The following IPCEF1 variants were observed in gnomAD, a reference collection of about 807,000 sequenced individuals.
IPCEF1 encodes interaction protein for cytohesin exchange factors 1.
In IPCEF1, 31 loss-of-function variants were observed where a neutral mutation model predicts 50.9. The observed-to-expected ratio is 0.61, with a 90% CI of 0.46 to 0.82. The LOEUF (loss-of-function observed/expected upper bound fraction) is 0.82. Ranked by LOEUF, IPCEF1 falls within the 40% of genes least tolerant of loss-of-function variation. IPCEF1 has a pLI of 0.00. For synonymous variants in IPCEF1, 181 were observed against 192.0 expected (o/e 0.94, Z 0.47); for missense variants, 458 against 514.0 (o/e 0.89, Z 1.05).
intron 1 of IPCEF1, among the ~76,000 whole-genome samples, chr6:154,303,029 T>G (rs898822683): frequency 6.6e-6 from 1 of 152,056 alleles, no homozygotes; most frequent in Admixed American, 6.6e-5. Context: ...CCCAACAGCT[T>G]TAGTAAATCT....
intron 1 of IPCEF1, among the ~76,000 whole-genome samples, chr6:154,350,592 T>C (rs1562298833): frequency 6.6e-6 from 1 of 152,264 alleles, no homozygotes; most frequent in Non-Finnish European, 1.5e-5. Flanking sequence ...TACTAGCACA[T>C]AAAATTACTT....
intron 1 of IPCEF1, among the ~76,000 whole-genome samples, chr6:154,323,715 G>T (rs914061895): frequency 6.6e-6 from 1 of 152,204 alleles, no homozygotes; most frequent in Non-Finnish European, 1.5e-5. Context: ...CACTTTGGGA[G>T]GCCGAGGTGG....
intron 1 of IPCEF1, among the ~76,000 whole-genome samples, chr6:154,336,329 A>T (rs1039038927): frequency 6.6e-6 from 1 of 152,246 alleles, no homozygotes; most frequent in African/African-American, 2.4e-5. Context: ...ATGGAATATC[A>T]TTTGGCCATA....
At chr6:154,215,330 C>A (rs944494213) in intron 7 of IPCEF1, among the ~76,000 whole-genome samples, 2 of 152,068 alleles carry the variant, frequency 1.3e-5, no homozygotes, top group Non-Finnish European at 2.9e-5. Flanking sequence ...AATTCAATGC[C>A]GGGAGCGGTG....
rs1781928663 is a variant in IPCEF1, at chr6:154,272,704, T to C, written c.-17-6740A>G. On this transcript the variant is annotated intron_variant, in intron 2 of 11. Coordinates refer to ENST00000367220, the MANE Select transcript of IPCEF1 (RefSeq NM_001130700.2). ...TTTGTTTTAATCACAAATTGCATGC[T>C]TCTTAAACCAAGTGTGTTTTAGCCA... Among the ~76,000 whole-genome samples, 2 of 152,242 alleles carry C rather than the reference T, an allele frequency of 1.3e-5. 1 individual carries two copies. The highest frequency in any genetic ancestry group is 4.1e-4 in the South Asian group (2 of 4,830).
At chr6:154,293,292 A>C (rs4118099) in intron 1 of IPCEF1, among the ~76,000 whole-genome samples, 104,782 of 152,070 alleles carry the variant, frequency 0.69, 37,340 homozygotes, top group African/African-American at 0.89. Context: ...AAAGCAATAC[A>C]ACCCAAGTCC....
chr6:154,322,215 T>C (rs928335162), intron 1 of IPCEF1, among the ~76,000 whole-genome samples: 3 of 152,072 alleles, frequency 2.0e-5, no homozygotes, highest in South Asian at 2.1e-4. Flanking sequence ...GAACTTCATC[T>C]GATGAAAAGG....
At chr6:154,227,794 T>C (rs1364327449) in intron 5 of IPCEF1, among the ~76,000 whole-genome samples, 1 of 152,202 alleles carries the variant, frequency 6.6e-6, no homozygotes, top group Non-Finnish European at 1.5e-5. Context: ...TGGATTCCTT[T>C]TCTGCATAAG....
In IPCEF1 at chr6:154,258,089, G is replaced by A. The variant is rs141291871; in HGVS notation, c.36+7823C>T. On this transcript the variant is annotated intron_variant, in intron 3 of 11. Coordinates refer to ENST00000367220, the MANE Select transcript of IPCEF1 (RefSeq NM_001130700.2). ...TATTTCCCTCCCCATTCTTCTCCTG[G>A]TTAATGCTTACTCATCCTCTGAGAT... Among the ~76,000 whole-genome samples the A allele has an allele frequency of 3.7e-3, 563 of 152,214 alleles. 1 individual carries two copies. The highest frequency in any genetic ancestry group is 6.6e-3 in the Non-Finnish European group (449 of 68,010).
chr6:154,198,631 TACACACACAC>T (rs3070838), intron 10 of IPCEF1, among the ~76,000 whole-genome samples: 203 of 146,804 alleles, frequency 1.4e-3, no homozygotes, highest in African/African-American at 4.7e-3. Flanking sequence ...AAATATTACA[TACACACACAC>T]ACACACACAC....
intron 1 of IPCEF1, among the ~76,000 whole-genome samples, chr6:154,294,096 T>C (rs1303613269): frequency 6.6e-6 from 1 of 152,226 alleles, no homozygotes; most frequent in Non-Finnish European, 1.5e-5. Flanking sequence ...CTTTCAATAA[T>C]ATATTAACCT....
intron 2 of IPCEF1, among the ~76,000 whole-genome samples, chr6:154,286,848 A>T (rs2128666943): frequency 6.6e-6 from 1 of 152,376 alleles, no homozygotes; most frequent in South Asian, 2.1e-4. Flanking sequence ...CGATGACAAG[A>T]TCATTCATCA....
rs558298298 is a variant in IPCEF1 at position 154,336,204 on chromosome 6, G to A, written c.-62+20468C>T. On this transcript the variant is annotated intron_variant, in intron 1 of 11. Coordinates refer to ENST00000367220, the MANE Select transcript of IPCEF1 (RefSeq NM_001130700.2). ...AGGAAAAGAAATCAGTATATATAAG[G>A]AATACCTGTGCTTGCATGTTTATTG... Among the ~76,000 whole-genome samples the A allele has an allele frequency of 7.9e-5, 12 of 152,242 alleles. No individual in the cohort carries two copies. The South Asian group carries it at 2.5e-3, about 32-fold the overall frequency.
intron 1 of IPCEF1, among the ~76,000 whole-genome samples, chr6:154,340,162 C>CTTA (rs1562295742): frequency 1.4e-4 from 22 of 152,232 alleles, no homozygotes; most frequent in African/African-American, 5.1e-4. Flanking sequence ...GATGCGCGCC[C>CTTA]GTGACACAGC....
At chr6:154,326,085 G>A (rs946109682) in intron 1 of IPCEF1, among the ~76,000 whole-genome samples, 5 of 151,998 alleles carry the variant, frequency 3.3e-5, no homozygotes, top group Non-Finnish European at 5.9e-5. Flanking sequence ...TATTAGCCAG[G>A]TATGGTGGTG....
intron 1 of IPCEF1, among the ~76,000 whole-genome samples, chr6:154,313,114 G>A (rs546112432): frequency 6.9e-6 from 1 of 145,470 alleles, no homozygotes; most frequent in East Asian, 2.1e-4. Flanking sequence ...GCTCACGCCT[G>A]TAATCCCAGC....
At chr6:154,351,522 T>C (rs1050890474) in intron 1 of IPCEF1, among the ~76,000 whole-genome samples, 3 of 152,206 alleles carry the variant, frequency 2.0e-5, no homozygotes, top group Non-Finnish European at 2.9e-5. Flanking sequence ...AGAATTTCAC[T>C]TGGGCGATTT....
chr6:154,169,542 A>G (rs1018110059), intron 10 of IPCEF1, among the ~76,000 whole-genome samples: 11 of 152,236 alleles, frequency 7.2e-5, no homozygotes, highest in African/African-American at 1.9e-4. Flanking sequence ...AAGTTTGAGA[A>G]CTACTGCCCT....
chr6:154,215,603 T>A (rs1436260818), intron 7 of IPCEF1, among the ~76,000 whole-genome samples: 1 of 151,854 alleles, frequency 6.6e-6, no homozygotes, highest in African/African-American at 2.4e-5. Context: ...CGAAACTCCA[T>A]CTCAAAAATA....
Sources: gnomAD v4.1 joint callset for allele counts (sites outside exome capture counted in the v4.1 genomes callset) on GRCh38, gnomAD v4.1.1 for gene constraint, MANE v1.5 for transcripts, NCBI Gene and HGNC (gene_info 2026-07-23, HGNC 2026-07-21) for gene names.